The following C5 variants were observed in gnomAD, a reference collection of about 807,000 sequenced individuals.
C5 encodes the protein C3 and PZP-like alpha-2-macroglobulin domain-containing protein 4.
Under a neutral mutation model 218.8 loss-of-function variants are expected in C5, and 140 were observed. The observed-to-expected ratio is 0.64, with a 90% CI of 0.56 to 0.74. The LOEUF is 0.74. Ranked by LOEUF, C5 falls within the 30% of genes least tolerant of loss-of-function variation. The probability of loss-of-function intolerance (pLI) is 0.00; values close to 1 mark genes in which losing one functional copy is unlikely to be tolerated. For synonymous variants in C5, 614 were observed against 682.3 expected (o/e 0.90, Z 1.56); for missense variants, 1,700 against 1,969.6 (o/e 0.86, Z 2.59).
intron 27 of C5, 90 bp downstream of exon 27, chr9:120,981,754 T>C (rs1168215338): frequency 1.4e-5 from 12 of 841,304 alleles, no homozygotes; most frequent in African/African-American, 5.1e-5. Context: ...AAAGAAGCTT[T>C]TGAAACAAAA....
At position 121,038,122 on chromosome 9, in the gene C5, T is replaced by C. The variant is rs41307988; in HGVS notation, c.422-171A>G. ...TTGCAGACATATACATTACTAAAGA[T>C]TCTCTTATTTAAGAGAATCCTCAGG... On this transcript the variant is annotated intron_variant, in intron 3 of 40. Coordinates refer to ENST00000223642, the MANE Select transcript of C5 (RefSeq NM_001735.3). Among the ~76,000 whole-genome samples, 423 of 152,314 alleles carry C rather than the reference T, an allele frequency of 2.8e-3. 3 individuals carry two copies. Among genetic ancestry groups the C allele is most frequent in the African/African-American group, 9.7e-3 (405 of 41,578 alleles).
chr9:120,994,290 T>C (rs961980241), intron 22 of C5, among the ~76,000 whole-genome samples: 2 of 152,116 alleles, frequency 1.3e-5, no homozygotes, highest in Admixed American at 1.3e-4. Flanking sequence ...AATATATAAA[T>C]ATCAGAAATA....
At chr9:120,993,177 C>A (rs753905816) in intron 22 of C5, among the ~76,000 whole-genome samples, 2 of 152,106 alleles carry the variant, frequency 1.3e-5, no homozygotes, top group African/African-American at 4.8e-5. Flanking sequence ...TGTGGAGAGA[C>A]GAGAACCCTC....
At chr9:120,976,624 T>C (rs2046955037) in intron 29 of C5, 76 bp downstream of exon 29, 2 of 1,177,322 alleles carry the variant, frequency 1.7e-6, no homozygotes, top group African/African-American at 3.0e-5. Context: ...GACAAAGGCA[T>C]GGAGGCCAGA....
At chr9:120,959,553 G>A (rs934782032) in intron 38 of C5, among the ~76,000 whole-genome samples, 3 of 152,050 alleles carry the variant, frequency 2.0e-5, no homozygotes, top group Non-Finnish European at 2.9e-5. Context: ...GAGCCACTGC[G>A]CCCGGCTCCA....
In C5 at chr9:120,960,310, A is replaced by G. The variant is rs1483949910; in HGVS notation, c.4616T>C (p.Leu1539Ser). Reference protein sequence around the residue: ...EADCGQMQEELDLTISAETRK... With the variant: ...EADCGQMQEESDLTISAETRK... ...TGTCTCTGCAGAGATTGTCAGATCC[A>G]ATTCTTCCTGCATTTGCCCACAATC... Residue 1539 changes from leucine to serine, a missense_variant, in exon 38 of 41, where the codon TTG (leucine) becomes TCG (serine). Transcript: ENST00000223642. 3.7e-6 allele frequency: 6 copies of G among 1,613,512 alleles called. No individual in the cohort carries two copies. The highest frequency in any genetic ancestry group is 5.1e-6 in the Non-Finnish European group (6 of 1,179,728).
chr9:121,015,002 A>G (rs2047294299), intron 16 of C5, among the ~76,000 whole-genome samples, 197 bp downstream of exon 16: 1 of 152,204 alleles, frequency 6.6e-6, no homozygotes, highest in Non-Finnish European at 1.5e-5. Context: ...CTATTTCCTT[A>G]GATTAAGGCT....
chr9:121,034,835 A>G lies in C5; in HGVS notation c.552T>C (p.Ser184=). 1 of 1,587,342 alleles carries G rather than the reference A, an allele frequency of 6.3e-7. No homozygotes were observed. Among genetic ancestry groups the G allele is most frequent in the Non-Finnish European group, 8.6e-7 (1 of 1,156,550 alleles). ...VEEIDHIGII[S]FPDFKIPSNP... ...TAGACGGAATCTTGAAGTCAGGAAA[A>G]GAGATAATTCCAATATGATCAATTT... Residue 184 remains serine (S), a synonymous_variant, in exon 5 of 41, where the codon TCT becomes TCC. Transcript: ENST00000223642.
chr9:120,975,818 G>A (rs1199010632), intron 29 of C5, among the ~76,000 whole-genome samples: 6 of 152,048 alleles, frequency 3.9e-5, no homozygotes, highest in Non-Finnish European at 8.8e-5. Context: ...AACACACAAT[G>A]GACTAAGGCA....
rs1212214427 is a variant in C5, at chr9:121,016,238, A to G, written c.1996+16T>C. 1 of 1,613,858 alleles carries G rather than the reference A, an allele frequency of 6.2e-7. No individual in the cohort carries two copies. Among genetic ancestry groups the G allele is most frequent in the South Asian group, 1.1e-5 (1 of 91,078 alleles). On this transcript the variant is annotated intron_variant, in intron 15 of 40. Coordinates refer to ENST00000223642, the MANE Select transcript of C5 (RefSeq NM_001735.3). ...ATCAATGGGATTTTCAGTAATAAAC[A>G]TGCTGAGCATTTTACCATTTTCTTG...
chr9:121,016,457 T>C (rs2047308312), intron 14 of C5, 74 bp from the exon 15 acceptor site: 2 of 1,573,004 alleles, frequency 1.3e-6, no homozygotes, highest in Admixed American at 1.7e-5. Flanking sequence ...AAGGTACTAA[T>C]TGTTACATGG....
chr9:121,042,928 G>A, intron 3 of C5, 76 bp downstream of exon 3: 1 of 1,176,754 alleles, frequency 8.5e-7, no homozygotes. Flanking sequence ...TCAATTTCAG[G>A]TATTAAAAAG....
chr9:120,987,313 G>A (rs939456569), intron 25 of C5, among the ~76,000 whole-genome samples: 1 of 151,964 alleles, frequency 6.6e-6, no homozygotes, highest in African/African-American at 2.4e-5. Context: ...GAAAATAAGA[G>A]GGCCAAAGAT....
chr9:121,018,735 AGG>A (rs2047335065), intron 12 of C5, among the ~76,000 whole-genome samples: 1 of 77,260 alleles, frequency 1.3e-5, no homozygotes, highest in Non-Finnish European at 3.0e-5. Context: ...GAAGGAAGGA[AGG>A]AAGGAAAGGA....
At position 120,960,250 on chromosome 9, in the gene C5, T is replaced by C. The variant is rs1174188002; in HGVS notation, c.4676A>G (p.Tyr1559Cys). ...CTATATTGAACTTTTGAACTCACCATATGCAATCTCTGGTTTACATGCTGT... is the reference window on the plus strand; with the variant it reads ...CTATATTGAACTTTTGAACTCACCACATGCAATCTCTGGTTTACATGCTGT... ...KQTACKPEIA[Y>C]AYKVSITSIT... Residue 1559 changes from tyrosine (Y) to cysteine (C), a missense_variant and splice_region_variant, in exon 38 of 41, where the codon TAT (tyrosine) becomes TGT (cysteine). Coordinates refer to ENST00000223642, the MANE Select transcript of C5 (RefSeq NM_001735.3). 30 of 1,601,100 alleles carry C rather than the reference T, an allele frequency of 1.9e-5. No individual in the cohort carries two copies. Among genetic ancestry groups the C allele is most frequent in the Non-Finnish European group, 2.6e-5 (30 of 1,168,462 alleles).
At chr9:121,064,000 G>A in the C5 span, among the ~76,000 whole-genome samples, 1 of 152,190 alleles carries the variant, frequency 6.6e-6, no homozygotes, top group Non-Finnish European at 1.5e-5. Context: ...TTCTTTGTAA[G>A]AAGAATTATA....
At chr9:120,995,747 TG>T (rs1248741104) in intron 22 of C5, among the ~76,000 whole-genome samples, 2 of 152,034 alleles carry the variant, frequency 1.3e-5, no homozygotes, top group African/African-American at 4.8e-5. Flanking sequence ...ATTATTGTTG[TG>T]TCTCAGTCAT....
upstream of C5, chr9:121,050,291 A>G (rs1180549765): frequency 2.8e-6 from 4 of 1,436,440 alleles, no homozygotes; most frequent in Non-Finnish European, 3.9e-6. Context: ...TTTTGAGGAT[A>G]GTCTCCTTTT....
intron 31 of C5, among the ~76,000 whole-genome samples, chr9:120,971,253 A>T (rs935865467): frequency 6.6e-6 from 1 of 151,708 alleles, no homozygotes; most frequent in Non-Finnish European, 1.5e-5. Flanking sequence ...TAACACATAA[A>T]TCCCCCAAAA....
Sources: allele counts gnomAD v4.1 joint callset (sites outside exome capture counted in the v4.1 genomes callset), GRCh38; gene constraint gnomAD v4.1.1; transcripts MANE v1.5; gene names NCBI Gene and HGNC (gene_info 2026-07-23, HGNC 2026-07-21).